The following TET1 variants were observed in gnomAD, a reference collection of about 807,000 sequenced individuals.
The protein encoded by TET1 is methylcytosine dioxygenase TET1.
Under a neutral mutation model 148.7 loss-of-function variants are expected in TET1, and 13 were observed. The ratio of observed to expected loss-of-function variants is 0.09; its 90% CI spans 0.06 to 0.14. The LOEUF (loss-of-function observed/expected upper bound fraction) is 0.14. Ranked by LOEUF, TET1 falls within the 10% of genes least tolerant of loss-of-function variation. The pLI, the probability that TET1 is intolerant of heterozygous loss-of-function variation, is 1.00. For missense variants in TET1, 2,182 were observed against 2,553.8 expected (o/e 0.85, Z 3.14); for synonymous variants, 907 against 937.2 (o/e 0.97, Z 0.59).
chr10:68,571,658 A>C (rs1660425328), intron 1 of TET1, among the ~76,000 whole-genome samples: 1 of 151,538 alleles, frequency 6.6e-6, no homozygotes, highest in African/African-American at 2.4e-5. Flanking sequence ...TTGGCCTCCC[A>C]AAGTGCTGGG....
intron 6 of TET1, among the ~76,000 whole-genome samples, chr10:68,661,816 A>ACACACACAC (rs1554809963): frequency 9.7e-5 from 10 of 103,128 alleles, no homozygotes; most frequent in South Asian, 6.1e-4. Context: ...CTTTGTTAAA[A>ACACACACAC]AAACACACAC....
At chr10:68,682,459 G>T (rs1337367080) in intron 9 of TET1, among the ~76,000 whole-genome samples, 1 of 152,084 alleles carries the variant, frequency 6.6e-6, no homozygotes, top group Non-Finnish European at 1.5e-5. Context: ...TTCAGTAATG[G>T]TTCATGAAAT....
intron 2 of TET1, among the ~76,000 whole-genome samples, chr10:68,577,087 T>C (rs959451279): frequency 6.6e-6 from 1 of 152,228 alleles, no homozygotes; most frequent in African/African-American, 2.4e-5. Flanking sequence ...TTTTTTTGTA[T>C]TTTTAGTAGA....
At chr10:68,690,613 A>G (rs2055576927) in intron 11 of TET1, among the ~76,000 whole-genome samples, 195 bp from the exon 12 acceptor site, 1 of 152,254 alleles carries the variant, frequency 6.6e-6, no homozygotes. Flanking sequence ...AAATTATTAG[A>G]TGAAAAATTA....
At chr10:68,647,279 T>C (rs1429780341) in intron 4 of TET1, among the ~76,000 whole-genome samples, 1 of 152,190 alleles carries the variant, frequency 6.6e-6, no homozygotes, top group Non-Finnish European at 1.5e-5. Flanking sequence ...CAATGTTGAA[T>C]GTCTGTCAAT....
chr10:68,601,334 T>C (rs1027181734), intron 3 of TET1, among the ~76,000 whole-genome samples: 6 of 152,258 alleles, frequency 3.9e-5, no homozygotes, highest in African/African-American at 1.4e-4. Context: ...TCTGCATTTG[T>C]GGTGTTGCAC....
intron 8 of TET1, chr10:68,673,323 T>A: frequency 4.0e-6 from 1 of 247,408 alleles, no homozygotes; most frequent in Non-Finnish European, 8.0e-6. Context: ...TAAAAGAACC[T>A]AGAATTTTAT....
chr10:68,585,732 C>T (rs1048666615), intron 2 of TET1, among the ~76,000 whole-genome samples: 12 of 151,768 alleles, frequency 7.9e-5, no homozygotes, highest in South Asian at 2.1e-4. Flanking sequence ...TTTTTTGGGC[C>T]GGGCACGGTG....
At chr10:68,560,995 G>A (rs1245440899) in intron 1 of TET1, among the ~76,000 whole-genome samples, 1 of 152,190 alleles carries the variant, frequency 6.6e-6, no homozygotes, top group Non-Finnish European at 1.5e-5. Flanking sequence ...CGCTCCGGAG[G>A]CCCCGCCACA....
rs1010032837 is a variant in TET1, at chr10:68,682,857, C to T, written c.4936C>T (p.Arg1646Ter). 1 of 1,613,060 alleles carries T rather than the reference C, an allele frequency of 6.2e-7. No individual in the cohort carries two copies. The highest frequency in any genetic ancestry group is 1.3e-5 in the African/African-American group (1 of 74,818). ...QNQVEYENVA[R>*]ECRLGSKEGR... ...CTAGGTGGAATATGAAAATGTTGCC[C>T]GAGAATGTCGGCTTGGCAGCAAGGA... The change falls in exon 10 of 12, where the codon CGA becomes TGA. Residue 1646 changes from arginine (R) to a stop codon, truncating the protein, a stop_gained. Coordinates refer to ENST00000373644, the MANE Select transcript of TET1 (RefSeq NM_030625.3). LOFTEE classifies it high-confidence loss of function.
At chr10:68,643,271 A>AAG (rs1192900237) in intron 3 of TET1, among the ~76,000 whole-genome samples, 1 of 150,978 alleles carries the variant, frequency 6.6e-6, no homozygotes, top group Non-Finnish European at 1.5e-5. Context: ...CAAAAAAAAA[A>AAG]AAAAAAAAAT....
At position 68,572,350 on chromosome 10, in the gene TET1, C is replaced by T; in HGVS notation, c.12C>T (p.Ser4=). MSR[S]RHARPSRLVR... is the part of the protein sequence containing the mutation. ...CCTACTCTGTAGCTATGTCTCGATC[C>T]CGCCATGCAAGGCCTTCCAGATTAG... Residue 4 remains serine (S), a synonymous_variant, in exon 2 of 12, where the codon TCC becomes TCT. Transcript: ENST00000373644. 6.3e-7 allele frequency: 1 copy of T among 1,599,442 alleles called. No homozygotes were observed. Among genetic ancestry groups the T allele is most frequent in the Non-Finnish European group, 8.5e-7 (1 of 1,176,336 alleles).
chr10:68,641,108 A>T (rs1181053319), intron 3 of TET1, among the ~76,000 whole-genome samples: 1 of 151,536 alleles, frequency 6.6e-6, no homozygotes, highest in Non-Finnish European at 1.5e-5. Flanking sequence ...TAAAATATTT[A>T]CTATCTGACC....
rs747741400 is a variant in TET1, at chr10:68,646,814, G to A, written c.4085G>A (p.Gly1362Asp). 3.5e-5 allele frequency: 56 copies of A among 1,614,076 alleles called. No homozygotes were observed. The highest frequency in any genetic ancestry group is 4.4e-5 in the Non-Finnish European group (52 of 1,180,048). The change falls in exon 4 of 12, where the codon GGT becomes GAT. Residue 1362 changes from glycine to aspartate, a missense_variant. Gly to Asp is a moderately conservative substitution (Grantham distance 94). Transcript: ENST00000373644. ...TLRNVNVVCS[G>D]GITVVSTKSE... ...AGGAATGTAAATGTAGTGTGTTCAG[G>A]TGGAATTACAGTGGTTTCTACCAAA...
intron 2 of TET1, among the ~76,000 whole-genome samples, chr10:68,593,230 CAAAAAAAAAAAA>C (rs576381158): frequency 1.6e-4 from 7 of 43,184 alleles, no homozygotes; most frequent in Admixed American, 3.0e-4. Context: ...AACTCTGTCT[CAAAAAAAAAAAA>C]AAAAAAAAAA....
chr10:68,632,411 A>AGTC (rs2054587531), intron 3 of TET1: 1 of 1,611,276 alleles, frequency 6.2e-7, no homozygotes, highest in African/African-American at 1.3e-5. Context: ...GAGGAGAGGA[A>AGTC]GTCCCTTAAG....
In TET1 at chr10:68,691,672, A is replaced by C. The variant is rs946056539; in HGVS notation, c.6269A>C (p.Glu2090Ala). 1.9e-6 allele frequency: 3 copies of C among 1,614,100 alleles called. No individual in the cohort carries two copies. The highest frequency in any genetic ancestry group is 2.5e-6 in the Non-Finnish European group (3 of 1,180,052). Residue 2090 changes from glutamate (E) to alanine (A), a missense_variant, in exon 12 of 12, where the codon GAA becomes GCA. Glu to Ala is a moderately radical substitution (Grantham distance 107, BLOSUM62 -1). Transcript: ENST00000373644. This position sits in a 1 kb window ranked among gnomAD's most constrained non-coding sequence, Gnocchi z 4.4. The part of the protein sequence containing the change: ...ASEQKDQAAN[E>A]GPEQSSEVNE... ...GAGCAAAAAGACCAGGCAGCTAATG[A>C]AGGTCCAGAACAGTCCTCTGAAGTA...
intron 2 of TET1, among the ~76,000 whole-genome samples, chr10:68,574,602 G>A (rs1366835916): frequency 6.6e-6 from 1 of 152,126 alleles, no homozygotes; most frequent in Non-Finnish European, 1.5e-5. Context: ...CTAGTTGCAT[G>A]TCTTTTTTGG....
At position 68,691,697 on chromosome 10, in the gene TET1, A is replaced by G. The variant is rs766592052; in HGVS notation, c.6294A>G (p.Val2098=). 6.2e-7 allele frequency: 1 copy of G among 1,614,208 alleles called. No homozygotes were observed. The highest frequency in any genetic ancestry group is 1.1e-5 in the South Asian group (1 of 91,086). The stretch of plus-strand genomic sequence containing the variant: ...AAGGTCCAGAACAGTCCTCTGAAGT[A>G]AATGAATTGAACCAAATTCCTTCTC... ...ANEGPEQSSE[V]NELNQIPSHK... Residue 2098 remains valine (V), a synonymous_variant, in exon 12 of 12, where the codon GTA becomes GTG. Coordinates refer to ENST00000373644, the MANE Select transcript of TET1 (RefSeq NM_030625.3). This position sits in a 1 kb window ranked among gnomAD's most constrained non-coding sequence, Gnocchi z 4.4.
Sources: allele counts gnomAD v4.1 joint callset (sites outside exome capture counted in the v4.1 genomes callset), GRCh38; gene constraint gnomAD v4.1.1; non-coding constraint Gnocchi (gnomAD v3.1); transcripts MANE v1.5; gene names NCBI Gene and HGNC (gene_info 2026-07-23, HGNC 2026-07-21).